The following DCC variants were observed in gnomAD, a reference collection of about 807,000 sequenced individuals.
DCC encodes the protein netrin receptor DCC.
Under a neutral mutation model 172.5 loss-of-function variants are expected in DCC, and 58 were observed. That is an observed-to-expected ratio of 0.34 (90% CI 0.27 to 0.42). The LOEUF (loss-of-function observed/expected upper bound fraction) is 0.42, where lower values mean the gene tolerates loss of function less well. DCC is among the 10% of genes least tolerant of loss of function. The probability of loss-of-function intolerance (pLI) is 1.00; values close to 1 mark genes in which losing one functional copy is unlikely to be tolerated. For synonymous variants in DCC, 709 were observed against 644.5 expected, an observed-to-expected ratio of 1.10 and a Z score of -1.52; for missense variants, 1,740 against 1,791.0, an observed-to-expected ratio of 0.97 and a Z score of 0.51.
intron 1 of DCC, among the ~76,000 whole-genome samples, chr18:52,511,274 C>G (rs1418290185): frequency 1.2e-5 from 1 of 80,970 alleles, no homozygotes; most frequent in Non-Finnish European, 2.6e-5. Context: ...GGGCAAGACT[C>G]TGTCTCAAAA....
chr18:53,468,347 T>TTTATTTATTTA (rs2045649873), intron 25 of DCC, among the ~76,000 whole-genome samples: 1 of 71,718 alleles, frequency 1.4e-5, no homozygotes, highest in Non-Finnish European at 3.0e-5. Flanking sequence ...TTTATTTTTA[T>TTTATTTATTTA]TTATTTATTT....
chr18:52,958,629 AAC>A (rs200772728), intron 5 of DCC, among the ~76,000 whole-genome samples: 2,701 of 152,278 alleles, frequency 0.018, 34 homozygotes, highest in Middle Eastern at 0.037. Flanking sequence ...GAGACACGGA[AAC>A]ACATCAGAGA....
intron 2 of DCC, among the ~76,000 whole-genome samples, chr18:52,819,320 A>T (rs182384395): frequency 1.3e-5 from 2 of 152,350 alleles, no homozygotes; most frequent in African/African-American, 4.8e-5. Flanking sequence ...GAAAAAAATA[A>T]ATTAATAATT....
chr18:52,697,008 G>A (rs1168005697), intron 1 of DCC, among the ~76,000 whole-genome samples: 4 of 152,210 alleles, frequency 2.6e-5, no homozygotes, highest in African/African-American at 7.2e-5. Context: ...TTTACCGAAA[G>A]TAACATTAAA....
Position 52,652,716 on chromosome 18 carries a change from G to GTGTT in DCC, c.92-99335_92-99334insTTGT, listed in dbSNP as rs757250704. 8.2e-4 allele frequency among the ~76,000 whole-genome samples: 124 copies of GTGTT among 151,502 alleles called. 1 individual carries two copies. The highest frequency in any genetic ancestry group is 1.9e-3 in the Admixed American group (29 of 15,218). ...TTACAACAGGACTGCAATAAAGTGTGTGTGTGTGTGTGTGTGTGTGTGTGG... is the reference window on the plus strand; with the variant it reads ...TTACAACAGGACTGCAATAAAGTGTGTGTTTGTGTGTGTGTGTGTGTGTGTGTGG... On this transcript the variant is annotated intron_variant, in intron 1 of 28. Transcript: ENST00000442544.
At chr18:52,367,092 C>T (rs1201006878) in intron 1 of DCC, among the ~76,000 whole-genome samples, 1 of 152,216 alleles carries the variant, frequency 6.6e-6, no homozygotes, top group Non-Finnish European at 1.5e-5. Flanking sequence ...AGCGCAGCGC[C>T]GGTGGGCTGG....
chr18:52,868,059 G>GTA (rs2039257326), intron 2 of DCC, among the ~76,000 whole-genome samples: 1 of 97,362 alleles, frequency 1.0e-5, no homozygotes, highest in African/African-American at 3.3e-5. Flanking sequence ...ATATATGTGT[G>GTA]TGTGTGTGTG....
At chr18:53,048,153 G>A (rs540624466) in intron 5 of DCC, among the ~76,000 whole-genome samples, 1 of 151,930 alleles carries the variant, frequency 6.6e-6, no homozygotes, top group South Asian at 2.1e-4. Flanking sequence ...AGGGGTACAT[G>A]TGCAGGTTTG....
intron 7 of DCC, among the ~76,000 whole-genome samples, chr18:53,153,796 T>C (rs1198817586): frequency 3.3e-5 from 5 of 152,118 alleles, no homozygotes; most frequent in African/African-American, 1.2e-4. Context: ...TCTGCTTCTG[T>C]GAAGGCCTAG....
intron 2 of DCC, among the ~76,000 whole-genome samples, chr18:52,788,697 T>G (rs2037706561): frequency 6.6e-6 from 1 of 152,174 alleles, no homozygotes; most frequent in Admixed American, 6.5e-5. Context: ...TTTGCCAGTT[T>G]CTTATTGGGA....
At chr18:52,662,603 AAG>A (rs936455285) in intron 1 of DCC, among the ~76,000 whole-genome samples, 8 of 148,128 alleles carry the variant, frequency 5.4e-5, no homozygotes, top group African/African-American at 2.0e-4. Flanking sequence ...AAGGGAGGGA[AAG>A]AGAGAGAGAA....
intron 12 of DCC, among the ~76,000 whole-genome samples, chr18:53,217,958 A>C (rs1158403624): frequency 6.6e-6 from 1 of 151,894 alleles, no homozygotes; most frequent in Non-Finnish European, 1.5e-5. Flanking sequence ...GATCCTCTTG[A>C]CTCAGACTCT....
chr18:53,253,089 C>G (rs1258095404), intron 12 of DCC, among the ~76,000 whole-genome samples: 1 of 151,602 alleles, frequency 6.6e-6, no homozygotes, highest in Non-Finnish European at 1.5e-5. Flanking sequence ...CATATAGATA[C>G]ATAAATAAAT....
At chr18:53,067,371 A>T (rs77366078) in intron 7 of DCC, among the ~76,000 whole-genome samples, 5,718 of 152,012 alleles carry the variant, frequency 0.038, 338 homozygotes, top group African/African-American at 0.13. Flanking sequence ...AAATAAAAAA[A>T]ATATATATTT....
intron 1 of DCC, among the ~76,000 whole-genome samples, chr18:52,482,855 G>A (rs943525014): frequency 6.6e-6 from 1 of 152,042 alleles, no homozygotes; most frequent in Admixed American, 6.6e-5. Flanking sequence ...TCGTATGTTG[G>A]ATGTCTCATT....
chr18:52,980,143 A>T (rs146218367), intron 5 of DCC, among the ~76,000 whole-genome samples: 190 of 152,190 alleles, frequency 1.2e-3, no homozygotes, highest in African/African-American at 4.5e-3. Context: ...GTCCCAAAAG[A>T]TATGCATTCT....
intron 1 of DCC, among the ~76,000 whole-genome samples, chr18:52,704,776 T>C (rs767908880): frequency 1.3e-5 from 2 of 152,206 alleles, no homozygotes; most frequent in Non-Finnish European, 2.9e-5. Flanking sequence ...GGGCGTGCCT[T>C]CTTGGTTTAA....
intron 1 of DCC, among the ~76,000 whole-genome samples, chr18:52,369,053 A>G (rs1273972471): frequency 6.6e-6 from 1 of 152,162 alleles, no homozygotes; most frequent in Non-Finnish European, 1.5e-5. Flanking sequence ...TCTTTCTCTT[A>G]AGGTTACAAA....
chr18:53,356,834 T>C (rs533314637), intron 15 of DCC, among the ~76,000 whole-genome samples: 19 of 152,198 alleles, frequency 1.2e-4, no homozygotes, highest in Non-Finnish European at 2.2e-4. Context: ...CTTTCAACTT[T>C]GTGTCTTCAA....
Sources: allele counts gnomAD v4.1 joint callset (sites outside exome capture counted in the v4.1 genomes callset), GRCh38; gene constraint gnomAD v4.1.1; transcripts MANE v1.5; gene names NCBI Gene and HGNC (gene_info 2026-07-23, HGNC 2026-07-21).